GPR137B: variants seen among roughly 807,000 people sequenced by gnomAD.
GPR137B encodes integral membrane protein GPR137B.
GPR137B carries 42 observed loss-of-function variants against 42.5 expected under a neutral mutation model. The ratio of observed to expected loss-of-function variants is 0.99; its 90% CI spans 0.77 to 1.28. The LOEUF is 1.28. Among genes scored for constraint, GPR137B ranks in the 50% most tolerant of loss-of-function variants. The pLI, the probability that GPR137B is intolerant of heterozygous loss-of-function variation, is 0.00. For missense variants in GPR137B, 487 were observed against 493.9 expected (o/e 0.99, Z 0.13); for synonymous variants, 218 against 209.7 (o/e 1.04, Z -0.34).
intron 1 of GPR137B, among the ~76,000 whole-genome samples, chr1:236,148,374 G>A (rs181272659): frequency 3.3e-5 from 5 of 152,262 alleles, no homozygotes; most frequent in African/African-American, 9.6e-5. Context: ...CTTCTTCCTC[G>A]GAATTCCCAG....
intron 1 of GPR137B, among the ~76,000 whole-genome samples, chr1:236,148,793 G>A (rs988183288): frequency 6.6e-6 from 1 of 152,068 alleles, no homozygotes; most frequent in Non-Finnish European, 1.5e-5. Flanking sequence ...AGCTCATCAT[G>A]GGCACTAGGC....
intron 5 of GPR137B, among the ~76,000 whole-genome samples, chr1:236,190,051 C>T (rs1301118689): frequency 6.6e-6 from 1 of 151,890 alleles, no homozygotes; most frequent in Admixed American, 6.6e-5. Context: ...TGCATTGATC[C>T]CTTTACCATT....
intron 1 of GPR137B, among the ~76,000 whole-genome samples, chr1:236,161,499 G>A (rs528979571): frequency 2.1e-5 from 2 of 93,512 alleles, no homozygotes; most frequent in East Asian, 7.4e-4. Context: ...ACCTCCTCAC[G>A]CCTCCCACTC....
At chr1:236,163,089 A>G (rs1011457672) in intron 1 of GPR137B, among the ~76,000 whole-genome samples, 1 of 152,204 alleles carries the variant, frequency 6.6e-6, no homozygotes, top group Non-Finnish European at 1.5e-5. Flanking sequence ...GCCCAAGACC[A>G]TGGGAACCCA....
rs1038698358 is a variant in GPR137B at position 236,205,225 on chromosome 1, A to G, written c.1066A>G (p.Ile356Val). 1.6e-5 allele frequency: 26 copies of G among 1,613,462 alleles called. No homozygotes were observed. Among genetic ancestry groups the G allele is most frequent in the East Asian group, 2.2e-5 (1 of 44,870 alleles). ...CAGTGATGATGACCTTGCCTGGAAC[A>G]TTGCCCCTCAGGGACTTCAGGGAGG... ...YDSDDDLAWN[I>V]APQGLQGGFA... The change falls in exon 6 of 7, where the codon ATT becomes GTT. Residue 356 changes from isoleucine to valine, a missense_variant. By Grantham distance (29) the Ile-to-Val change is conservative. Transcript: ENST00000366592.
rs1662335890 is a variant in GPR137B, at chr1:236,165,816, T to G, written c.415-2890T>G. Among the ~76,000 whole-genome samples the G allele has an allele frequency of 2.0e-5, 3 of 152,230 alleles. No homozygotes were observed. The South Asian group carries it at 6.2e-4, about 32-fold the overall frequency. On this transcript the variant is annotated intron_variant, in intron 1 of 6. Coordinates refer to ENST00000366592, the MANE Select transcript of GPR137B (RefSeq NM_003272.4). ...AAAAGTTTTCCTAGCAGTTTCTAAA[T>G]TTGATCACGTGACATTTATTTTCGG...
At chr1:236,163,333 C>T (rs561060630) in intron 1 of GPR137B, among the ~76,000 whole-genome samples, 2 of 152,310 alleles carry the variant, frequency 1.3e-5, no homozygotes, top group East Asian at 1.9e-4. Flanking sequence ...GCAGAAGGGA[C>T]TTGCCTTATC....
At chr1:236,198,875 T>A (rs963770077) in intron 5 of GPR137B, among the ~76,000 whole-genome samples, 1 of 152,170 alleles carries the variant, frequency 6.6e-6, no homozygotes, top group African/African-American at 2.4e-5. Flanking sequence ...TACTCTTTAC[T>A]GGTTTGGGTG....
At chr1:236,192,615 T>G (rs1357846494) in intron 5 of GPR137B, among the ~76,000 whole-genome samples, 1 of 152,048 alleles carries the variant, frequency 6.6e-6, no homozygotes, top group Admixed American at 6.5e-5. Flanking sequence ...CTCCTTGCAC[T>G]TCTCGATCGA....
intron 1 of GPR137B, among the ~76,000 whole-genome samples, chr1:236,163,195 G>A (rs935905413): frequency 2.0e-5 from 3 of 152,182 alleles, no homozygotes; most frequent in African/African-American, 7.2e-5. Context: ...TTTCAGACTT[G>A]CATGGGCCCT....
At chr1:236,190,089 G>T (rs918996645) in intron 5 of GPR137B, among the ~76,000 whole-genome samples, 9 of 149,126 alleles carry the variant, frequency 6.0e-5, no homozygotes, top group Non-Finnish European at 1.0e-4. Flanking sequence ...TGTCTCTTTT[G>T]ATCTTTGTTG....
At chr1:236,193,413 A>T (rs779817918) in intron 5 of GPR137B, among the ~76,000 whole-genome samples, 2 of 152,078 alleles carry the variant, frequency 1.3e-5, no homozygotes, top group Non-Finnish European at 2.9e-5. Flanking sequence ...GCTGGGTCAT[A>T]TGGTATTTCT....
intron 5 of GPR137B, among the ~76,000 whole-genome samples, chr1:236,202,519 G>A (rs1160725877): frequency 6.6e-6 from 1 of 152,140 alleles, no homozygotes; most frequent in African/African-American, 2.4e-5. Context: ...TGGAGCAAAA[G>A]TCCATGGTGT....
At chr1:236,188,248 T>A (rs555295588) in intron 5 of GPR137B, among the ~76,000 whole-genome samples, 1 of 152,354 alleles carries the variant, frequency 6.6e-6, no homozygotes, top group African/African-American at 2.4e-5. Context: ...TTTCTAAATA[T>A]ATGATCATGT....
chr1:236,207,256 C>T lies in GPR137B; in HGVS notation c.1092-794C>T, dbSNP rs367972737. On this transcript the variant is annotated intron_variant, in intron 6 of 6. Coordinates refer to ENST00000366592, the MANE Select transcript of GPR137B (RefSeq NM_003272.4). ...GAAAAAAGAAGAAAGCTGCCCAATG[C>T]GCTGAGCCAGCAGATGTAAAGAACG... 4.5e-5 allele frequency: 44 copies of T among 985,288 alleles called. No homozygotes were observed. The East Asian group carries it at 1.3e-3, about 28-fold the overall frequency. The allele number at this position is 985,288 out of a possible 1,614,324, so 61.0% of individuals were successfully genotyped here.
At chr1:236,208,008 A>T in intron 6 of GPR137B, 42 bp from the exon 7 acceptor site, 2 of 1,414,644 alleles carry the variant, frequency 1.4e-6, no homozygotes, top group Non-Finnish European at 2.0e-6. Flanking sequence ...CATACATACT[A>T]TATAATGTTT....
At chr1:236,189,927 A>G (rs111782257) in intron 5 of GPR137B, among the ~76,000 whole-genome samples, 2,211 of 152,184 alleles carry the variant, frequency 0.015, 52 homozygotes, top group African/African-American at 0.05. Context: ...AAAGTCTCCC[A>G]TTATTGTTGT....
At chr1:236,157,046 C>G (rs963107347) in intron 1 of GPR137B, among the ~76,000 whole-genome samples, 5 of 152,096 alleles carry the variant, frequency 3.3e-5, no homozygotes, top group African/African-American at 1.2e-4. Context: ...TGTCCAGGTG[C>G]TCTACATGTC....
At chr1:236,184,491 C>T (rs200082496) in intron 5 of GPR137B, among the ~76,000 whole-genome samples, 4 of 152,098 alleles carry the variant, frequency 2.6e-5, no homozygotes, top group Admixed American at 6.5e-5. Context: ...AGCCTTGTTC[C>T]GTAAATTATT....
Sources: allele counts gnomAD v4.1 joint callset (sites outside exome capture counted in the v4.1 genomes callset), GRCh38; gene constraint gnomAD v4.1.1; transcripts MANE v1.5; gene names NCBI Gene and HGNC (gene_info 2026-07-23, HGNC 2026-07-21).